Variants in NKAIN3 observed in about 807,000 individuals in gnomAD.
The protein encoded by NKAIN3 is sodium/potassium-transporting ATPase subunit beta-1-interacting protein 3.
In NKAIN3, 25 loss-of-function variants were observed where a neutral mutation model predicts 30.2. That is an observed-to-expected ratio of 0.83 (90% CI 0.60 to 1.16). NKAIN3 has a LOEUF of 1.16. NKAIN3 is among the 50% of genes most tolerant of loss of function. The pLI is 0.00. For missense variants in NKAIN3, 225 were observed against 254.1 expected (o/e 0.89, Z 0.78); for synonymous variants, 91 against 89.6 (o/e 1.02, Z -0.09).
At chr8:62,839,174 A>T (rs1430655376) in intron 4 of NKAIN3, among the ~76,000 whole-genome samples, 1 of 152,052 alleles carries the variant, frequency 6.6e-6, no homozygotes, top group Non-Finnish European at 1.5e-5. Flanking sequence ...TAACAACAAG[A>T]ATTCCTTGTC....
chr8:62,818,111 C>T (rs942814720), intron 4 of NKAIN3, among the ~76,000 whole-genome samples: 24 of 152,096 alleles, frequency 1.6e-4, no homozygotes, highest in African/African-American at 5.8e-4. Context: ...TATACATACA[C>T]ACACAAACAC....
At position 62,656,463 on chromosome 8, in the gene NKAIN3, A is replaced by C. The variant is rs955694233; in HGVS notation, c.273+66669A>C. ...ATAAAAAAATAAATAAATAAAATAA[A>C]AAATAAAAGAACAAAGAAAGAAAGA... On this transcript the variant is annotated intron_variant, in intron 3 of 6. Coordinates refer to ENST00000623646, the MANE Select transcript of NKAIN3 (RefSeq NM_001304533.3). Among the ~76,000 whole-genome samples, 18 of 151,974 alleles carry C rather than the reference A, an allele frequency of 1.2e-4. 1 individual carries two copies. Among genetic ancestry groups the C allele is most frequent in the Admixed American group, 2.6e-4 (4 of 15,250 alleles).
intron 6 of NKAIN3, among the ~76,000 whole-genome samples, chr8:62,963,630 T>C (rs750892054): frequency 6.6e-6 from 1 of 152,206 alleles, no homozygotes; most frequent in African/African-American, 2.4e-5. Context: ...CATAAAGCTA[T>C]AAAATTCCAC....
intron 1 of NKAIN3, among the ~76,000 whole-genome samples, chr8:62,304,831 A>G (rs1814172879): frequency 6.7e-6 from 1 of 150,186 alleles, no homozygotes; most frequent in Non-Finnish European, 1.5e-5. Flanking sequence ...CATGACGTTC[A>G]TAGGCCAGCA....
intron 4 of NKAIN3, among the ~76,000 whole-genome samples, chr8:62,817,557 T>C (rs1818722381): frequency 6.6e-6 from 1 of 152,146 alleles, no homozygotes; most frequent in African/African-American, 2.4e-5. Context: ...TCTCTGCCTC[T>C]GATATTGTGG....
chr8:62,299,735 A>C (rs1427808184), intron 1 of NKAIN3, among the ~76,000 whole-genome samples: 1 of 152,124 alleles, frequency 6.6e-6, no homozygotes, highest in Non-Finnish European at 1.5e-5. Flanking sequence ...GTTCATATAT[A>C]GTCTACTAAA....
intron 1 of NKAIN3, among the ~76,000 whole-genome samples, chr8:62,438,670 T>G (rs1805238940): frequency 6.6e-6 from 1 of 152,176 alleles, no homozygotes; most frequent in Non-Finnish European, 1.5e-5. Context: ...CAAGAGATTC[T>G]CCTGCCTCAG....
At chr8:62,889,301 C>T (rs539591245) in intron 4 of NKAIN3, among the ~76,000 whole-genome samples, 4 of 151,770 alleles carry the variant, frequency 2.6e-5, no homozygotes, top group South Asian at 4.2e-4. Flanking sequence ...ACCTGGGAGG[C>T]GGAGGTTACA....
intron 1 of NKAIN3, among the ~76,000 whole-genome samples, chr8:62,574,251 A>G (rs1046611106): frequency 1.3e-5 from 2 of 152,122 alleles, no homozygotes; most frequent in Non-Finnish European, 2.9e-5. Context: ...ATAGTACTCC[A>G]TTGTGTATAT....
chr8:62,765,901 T>A (rs1816822326), intron 4 of NKAIN3, among the ~76,000 whole-genome samples: 1 of 152,164 alleles, frequency 6.6e-6, no homozygotes, highest in South Asian at 2.1e-4. Flanking sequence ...TATTTCATTA[T>A]AATTTTAAAA....
At chr8:62,849,683 C>T (rs2130771797) in intron 4 of NKAIN3, among the ~76,000 whole-genome samples, 1 of 145,258 alleles carries the variant, frequency 6.9e-6, no homozygotes, top group Admixed American at 6.9e-5. Flanking sequence ...CACTTCCCAC[C>T]TATGAGTGAG....
chr8:62,894,509 T>G (rs143374306), intron 4 of NKAIN3, among the ~76,000 whole-genome samples: 1 of 152,284 alleles, frequency 6.6e-6, no homozygotes, highest in East Asian at 1.9e-4. Context: ...ATTATCTTCT[T>G]GGAATGAAAA....
chr8:62,890,799 G>A (rs1270506099), intron 4 of NKAIN3, among the ~76,000 whole-genome samples: 1 of 152,210 alleles, frequency 6.6e-6, no homozygotes, highest in Non-Finnish European at 1.5e-5. Context: ...AAAAGAAAGG[G>A]TGTGGCATTT....
chr8:62,963,507 C>G (rs1823628398), intron 6 of NKAIN3, among the ~76,000 whole-genome samples: 1 of 152,184 alleles, frequency 6.6e-6, no homozygotes, highest in African/African-American at 2.4e-5. Context: ...CTCACTGACA[C>G]TACTGCTAAC....
intron 1 of NKAIN3, among the ~76,000 whole-genome samples, chr8:62,278,353 C>A (rs1813036378): frequency 6.6e-6 from 1 of 150,786 alleles, no homozygotes; most frequent in Non-Finnish European, 1.5e-5. Flanking sequence ...TAAAACCATG[C>A]CTGACAGGAC....
intron 3 of NKAIN3, among the ~76,000 whole-genome samples, chr8:62,689,314 C>T (rs1456761263): frequency 6.6e-6 from 1 of 152,142 alleles, no homozygotes; most frequent in Admixed American, 6.5e-5. Flanking sequence ...GGCTCCTGCT[C>T]ACAGAACACA....
chr8:62,586,089 G>C (rs901456310), intron 2 of NKAIN3, among the ~76,000 whole-genome samples: 1 of 152,104 alleles, frequency 6.6e-6, no homozygotes, highest in Non-Finnish European at 1.5e-5. Context: ...TTTGTAAAGG[G>C]TCAAGTGAAT....
At chr8:62,589,628 G>C in intron 2 of NKAIN3, 86 bp from the exon 3 acceptor site, 1 of 597,672 alleles carries the variant, frequency 1.7e-6, no homozygotes. Flanking sequence ...CAGACTTATT[G>C]ACATTTTTAT....
intron 1 of NKAIN3, among the ~76,000 whole-genome samples, chr8:62,446,567 C>G (rs1275731201): frequency 6.6e-6 from 1 of 152,032 alleles, no homozygotes; most frequent in Admixed American, 6.6e-5. Flanking sequence ...ACCTCCAGAA[C>G]TTTTTCATCA....
Sources: gnomAD v4.1 joint callset for allele counts (sites outside exome capture counted in the v4.1 genomes callset) on GRCh38, gnomAD v4.1.1 for gene constraint, MANE v1.5 for transcripts, NCBI Gene and HGNC (gene_info 2026-07-23, HGNC 2026-07-21) for gene names.